Variants in LMO7 observed in about 807,000 individuals in gnomAD.
LMO7 encodes the protein LIM domain only protein 7.
LMO7 carries 120 observed loss-of-function variants against 206.5 expected under a neutral mutation model. The ratio of observed to expected loss-of-function variants is 0.58; its 90% CI spans 0.50 to 0.68. The LOEUF (loss-of-function observed/expected upper bound fraction) is 0.68. LMO7 is among the 30% of genes least tolerant of loss of function. LMO7 has a pLI of 0.00. For missense variants in LMO7, 1,959 were observed against 1,957.9 expected, an observed-to-expected ratio of 1.00 and a Z score of -0.01; for synonymous variants, 706 against 681.5, an observed-to-expected ratio of 1.04 and a Z score of -0.56.
At chr13:75,807,222 G>T in intron 9 of LMO7, 1 of 424,834 alleles carries the variant, frequency 2.4e-6, no homozygotes, top group Non-Finnish European at 4.3e-6. Context: ...CCCATCCGTG[G>T]CCTCCATGGT....
intron 1 of LMO7, among the ~76,000 whole-genome samples, chr13:75,675,929 G>A (rs1416961803): frequency 3.3e-5 from 5 of 151,622 alleles, no homozygotes; most frequent in Middle Eastern, 3.2e-3. Context: ...TCATATACAC[G>A]ATGCATCTTA....
At chr13:75,828,157 T>C (rs2058310978) in intron 15 of LMO7, among the ~76,000 whole-genome samples, 1 of 152,236 alleles carries the variant, frequency 6.6e-6, no homozygotes, top group Admixed American at 6.5e-5. Flanking sequence ...TTGTATTATG[T>C]TTAACATTTG....
chr13:75,824,219 T>G (rs2057891348), intron 15 of LMO7, among the ~76,000 whole-genome samples: 1 of 152,194 alleles, frequency 6.6e-6, no homozygotes, highest in African/African-American at 2.4e-5. Flanking sequence ...TTAAAGGTTT[T>G]ACATGCAGAT....
At chr13:75,646,554 G>A (rs2037030661) in intron 1 of LMO7, among the ~76,000 whole-genome samples, 1 of 150,122 alleles carries the variant, frequency 6.7e-6, no homozygotes, top group African/African-American at 2.5e-5. Flanking sequence ...GCTTCCAGCT[G>A]TTACTCAGAT....
chr13:75,814,734 CA>C (rs2056796855), intron 11 of LMO7, among the ~76,000 whole-genome samples: 1 of 151,972 alleles, frequency 6.6e-6, no homozygotes, highest in Non-Finnish European at 1.5e-5. Flanking sequence ...TAGGGTGGGT[CA>C]GGGGAGAGGG....
intron 4 of LMO7, among the ~76,000 whole-genome samples, chr13:75,793,771 G>A (rs957671814): frequency 1.3e-5 from 2 of 152,092 alleles, no homozygotes; most frequent in African/African-American, 2.4e-5. Context: ...CTTCCAGATC[G>A]AAGCACAAAC....
intron 4 of LMO7, among the ~76,000 whole-genome samples, chr13:75,773,324 G>T (rs929872345): frequency 2.6e-5 from 4 of 152,090 alleles, no homozygotes; most frequent in African/African-American, 9.7e-5. Flanking sequence ...TAGTATCCTG[G>T]CTAGGGGATT....
At chr13:75,705,964 CT>C (rs2042619867) in intron 1 of LMO7, among the ~76,000 whole-genome samples, 1 of 145,472 alleles carries the variant, frequency 6.9e-6, no homozygotes. Context: ...GATGCAGCTT[CT>C]TACTTTCATT....
intron 12 of LMO7, 103 bp downstream of exon 12, chr13:75,817,381 A>T (rs1381971051): frequency 7.3e-6 from 5 of 685,060 alleles, no homozygotes; most frequent in Non-Finnish European, 1.2e-5. Flanking sequence ...GCTATTACAG[A>T]ATTCAGTTCT....
chr13:75,791,684 A>C (rs1165238251), intron 4 of LMO7, among the ~76,000 whole-genome samples: 2 of 152,134 alleles, frequency 1.3e-5, no homozygotes, highest in Admixed American at 1.3e-4. Flanking sequence ...TAAATACAAA[A>C]ATAAAGCACG....
chr13:75,709,318 T>C (rs1042133812), intron 1 of LMO7, among the ~76,000 whole-genome samples: 2 of 152,194 alleles, frequency 1.3e-5, no homozygotes, highest in Non-Finnish European at 2.9e-5. Context: ...TACCCAGTAA[T>C]GGGATTGCTG....
intron 3 of LMO7, among the ~76,000 whole-genome samples, chr13:75,729,366 G>C (rs1430233443): frequency 6.8e-6 from 1 of 146,580 alleles, no homozygotes. Flanking sequence ...TGGATTCCTA[G>C]GTATTTTATT....
rs893437311 is a variant in LMO7 at position 75,800,725 on chromosome 13, C to T, written c.504C>T (p.Asp168=). Residue 168 remains aspartate (D), a synonymous_variant, in exon 7 of 31, where the codon GAC becomes GAT. Transcript: ENST00000377534. ...DSSFLKRSGR[D]SGYGDIWCPE... Reference sequence around the variant, plus strand: ...GCTTCCTGAAAAGAAGTGGCAGGGACAGTGGCTACGGTGACATCTGGTGTC... The same window carrying T: ...GCTTCCTGAAAAGAAGTGGCAGGGATAGTGGCTACGGTGACATCTGGTGTC... The T allele has an allele frequency of 1.9e-6, 3 of 1,613,938 alleles. No homozygotes were observed. The African/African-American group carries it at 4.0e-5, about 22-fold the overall frequency.
intron 2 of LMO7, among the ~76,000 whole-genome samples, chr13:75,723,890 G>A (rs1307167870): frequency 6.6e-6 from 1 of 152,078 alleles, no homozygotes; most frequent in Non-Finnish European, 1.5e-5. Flanking sequence ...CTGGAGGCTG[G>A]GAAGTTCAAG....
Position 75,807,878 on chromosome 13 carries a change from C to G in LMO7, c.1595C>G (p.Ser532Cys), listed in dbSNP as rs761293278. 35 of 1,613,816 alleles carry G rather than the reference C, an allele frequency of 2.2e-5. No homozygotes were observed. In the East Asian group the frequency reaches 6.2e-4, roughly 29 times the overall value. ...GCACAGAAGAAAGAAGTGCCGCTGT[C>G]TGGGGCCCCAGATAGATACCACCCA... ...IPAQKKEVPL[S>C]GAPDRYHPVP... Residue 532 changes from serine (S) to cysteine (C), a missense_variant, in exon 10 of 31, where the codon TCT becomes TGT. Physicochemically the swap from Ser to Cys is moderately radical, Grantham distance 112. Coordinates refer to ENST00000377534, the MANE Select transcript of LMO7 (RefSeq NM_001306080.2).
intron 2 of LMO7, among the ~76,000 whole-genome samples, chr13:75,724,816 A>G (rs2044324992): frequency 6.6e-6 from 1 of 152,166 alleles, no homozygotes; most frequent in East Asian, 1.9e-4. Flanking sequence ...AGTCCTTAGA[A>G]TTGTGACTAC....
In LMO7 at chr13:75,845,343, A is replaced by G; in HGVS notation, c.4114A>G (p.Thr1372Ala). The part of the protein sequence containing the change: ...LPGDRNKSRS[T>A]TELDDYSTNK... Reference sequence around the variant, plus strand: ...GTGTTTTAGGAATAAATCCAGATCTACTACTGAACTGGATGATTACTCCAC... The same window carrying G: ...GTGTTTTAGGAATAAATCCAGATCTGCTACTGAACTGGATGATTACTCCAC... The change falls in exon 26 of 31, where the codon ACT becomes GCT. Residue 1372 changes from threonine to alanine, a missense_variant. Transcript: ENST00000377534. 2 of 1,569,240 alleles carry G rather than the reference A, an allele frequency of 1.3e-6. No homozygotes were observed. Among genetic ancestry groups the G allele is most frequent in the Non-Finnish European group, 1.7e-6 (2 of 1,143,172 alleles).
chr13:75,769,492 C>A (rs192958451), intron 4 of LMO7, among the ~76,000 whole-genome samples: 1 of 151,378 alleles, frequency 6.6e-6, no homozygotes, highest in Non-Finnish European at 1.5e-5. Context: ...TAAAAAAAAA[C>A]GTGGTATACT....
intron 1 of LMO7, among the ~76,000 whole-genome samples, chr13:75,674,553 AG>A: frequency 6.6e-6 from 1 of 152,374 alleles, no homozygotes; most frequent in Non-Finnish European, 1.5e-5. Flanking sequence ...TTGTGAAAAA[AG>A]TTCCAACTTC....
Sources: gnomAD v4.1 joint callset for allele counts (sites outside exome capture counted in the v4.1 genomes callset) on GRCh38, gnomAD v4.1.1 for gene constraint, MANE v1.5 for transcripts, NCBI Gene and HGNC (gene_info 2026-07-23, HGNC 2026-07-21) for gene names.